Variants in DSCAML1 observed in about 807,000 individuals in gnomAD.
DSCAML1 encodes the protein cell adhesion molecule DSCAML1.
In DSCAML1, 38 loss-of-function variants were observed where a neutral mutation model predicts 200.5. That is an observed-to-expected ratio of 0.19 (90% CI 0.15 to 0.25). The LOEUF (loss-of-function observed/expected upper bound fraction) is 0.25. DSCAML1 is among the 10% of genes least tolerant of loss of function. The probability of loss-of-function intolerance (pLI) is 1.00; values close to 1 mark genes in which losing one functional copy is unlikely to be tolerated. For missense variants in DSCAML1, 2,223 were observed against 2,858.8 expected (o/e 0.78, Z 5.07); for synonymous variants, 1,215 against 1,165.0 (o/e 1.04, Z -0.87).
At chr11:117,495,382 C>G (rs939212203) in intron 11 of DSCAML1, among the ~76,000 whole-genome samples, 4 of 152,148 alleles carry the variant, frequency 2.6e-5, no homozygotes, top group Non-Finnish European at 5.9e-5. Flanking sequence ...AGAAGATGCT[C>G]TTTAGAACTG....
intron 3 of DSCAML1, among the ~76,000 whole-genome samples, chr11:117,620,269 T>A (rs2051901055): frequency 6.6e-6 from 1 of 152,182 alleles, no homozygotes; most frequent in South Asian, 2.1e-4. Flanking sequence ...GAGAACCAGG[T>A]CTGAATTTCA....
At position 117,681,159 on chromosome 11, in the gene DSCAML1, A is replaced by G. The variant is rs2053304867; in HGVS notation, c.511+95632T>C. Among the ~76,000 whole-genome samples the G allele has an allele frequency of 2.0e-5, 3 of 152,146 alleles. 1 individual carries two copies. The South Asian group carries it at 6.2e-4, about 32-fold the overall frequency. On this transcript the variant is annotated intron_variant, in intron 3 of 32. Transcript: ENST00000651296. The stretch of plus-strand genomic sequence containing the variant: ...CTTCTCTCTCCCACCCACGCCCTCC[A>G]AGCTCTGTTGACTCCCAGCAAACCC...
intron 3 of DSCAML1, among the ~76,000 whole-genome samples, chr11:117,545,102 C>T (rs1007852101): frequency 9.9e-5 from 15 of 151,882 alleles, no homozygotes; most frequent in African/African-American, 2.2e-4. Context: ...TGGTGGCGGG[C>T]GCCTGTAATC....
At chr11:117,477,083 A>T (rs2048808205) in intron 14 of DSCAML1, among the ~76,000 whole-genome samples, 1 of 152,044 alleles carries the variant, frequency 6.6e-6, no homozygotes, top group African/African-American at 2.4e-5. Flanking sequence ...GAGATGCCCA[A>T]AGATGTTAAG....
intron 3 of DSCAML1, among the ~76,000 whole-genome samples, chr11:117,587,260 C>CCA (rs1555187516): frequency 6.6e-6 from 1 of 150,616 alleles, no homozygotes; most frequent in East Asian, 2.0e-4. Flanking sequence ...CCAACCCCCC[C>CCA]CCACGATTTA....
rs2052435128 is a variant in DSCAML1, at chr11:117,642,612, T to G, written c.512-110090A>C. Among the ~76,000 whole-genome samples the G allele has an allele frequency of 6.6e-6, 1 of 152,214 alleles. No homozygotes were observed. Among genetic ancestry groups the G allele is most frequent in the South Asian group, 2.1e-4 (1 of 4,830 alleles). The stretch of plus-strand genomic sequence containing the variant: ...CTGTATCCCTGTGGATGGACAGCAG[T>G]GCCTGAGGGAGCCCTTCCATCCCTG... On this transcript the variant is annotated intron_variant, in intron 3 of 32. Coordinates refer to ENST00000651296, the MANE Select transcript of DSCAML1 (RefSeq NM_020693.4). This position sits in a 1 kb window ranked among gnomAD's most constrained non-coding sequence, Gnocchi z 4.1.
chr11:117,450,424 T>A, intron 20 of DSCAML1, 125 bp downstream of exon 20: 1 of 1,363,016 alleles, frequency 7.3e-7, no homozygotes. Context: ...CCCATTCTTA[T>A]CTATGAATCC....
chr11:117,435,612 C>A (rs950260577), intron 27 of DSCAML1, 32 bp downstream of exon 27: 10 of 1,564,580 alleles, frequency 6.4e-6, no homozygotes, highest in Middle Eastern at 3.4e-4. Context: ...GCCAACACCC[C>A]CTCCTGGAAG....
chr11:117,609,002 G>GCAAA (rs71037489), intron 3 of DSCAML1, among the ~76,000 whole-genome samples: 6,587 of 146,750 alleles, frequency 0.045, 178 homozygotes, highest in Non-Finnish European at 0.048. Flanking sequence ...CCCCATTTCT[G>GCAAA]CAAACAAACA....
At chr11:117,529,579 C>A (rs894745108) in intron 4 of DSCAML1, among the ~76,000 whole-genome samples, 47 of 152,160 alleles carry the variant, frequency 3.1e-4, no homozygotes, top group African/African-American at 1.1e-3. Flanking sequence ...CGTTATCTCT[C>A]CCCACCCCCA....
intron 1 of DSCAML1, among the ~76,000 whole-genome samples, chr11:117,792,640 C>T (rs1403139743): frequency 1.3e-5 from 2 of 152,126 alleles, no homozygotes; most frequent in African/African-American, 4.8e-5. Context: ...TCACTTCACA[C>T]CCCCATGCCA....
intron 3 of DSCAML1, among the ~76,000 whole-genome samples, chr11:117,692,773 A>G (rs542968113): frequency 6.6e-5 from 10 of 152,242 alleles, no homozygotes; most frequent in African/African-American, 2.4e-4. Flanking sequence ...GCACGGAGGT[A>G]TTTATTGCTG....
chr11:117,627,140 A>T (rs2052063726), intron 3 of DSCAML1, among the ~76,000 whole-genome samples: 1 of 152,212 alleles, frequency 6.6e-6, no homozygotes. Context: ...ACATATTACA[A>T]GAGAAATATA....
intron 3 of DSCAML1, among the ~76,000 whole-genome samples, chr11:117,708,062 A>C (rs964730838): frequency 1.3e-5 from 2 of 152,158 alleles, no homozygotes; most frequent in Admixed American, 1.3e-4. Context: ...GCTCAGGACA[A>C]CACCATGTCT....
chr11:117,666,341 T>C (rs1400834241), intron 3 of DSCAML1, among the ~76,000 whole-genome samples: 2 of 152,186 alleles, frequency 1.3e-5, no homozygotes, highest in African/African-American at 4.8e-5. Flanking sequence ...GCATTTTCCA[T>C]AGTGGATTTT....
chr11:117,712,132 C>A (rs377672325), intron 3 of DSCAML1, among the ~76,000 whole-genome samples: 2 of 151,798 alleles, frequency 1.3e-5, no homozygotes, highest in African/African-American at 4.8e-5. Context: ...TTTTTAAACA[C>A]GTTGCACTGA....
intron 4 of DSCAML1, among the ~76,000 whole-genome samples, chr11:117,530,443 T>A (rs949804522): frequency 2.6e-5 from 4 of 152,186 alleles, no homozygotes; most frequent in African/African-American, 9.7e-5. Flanking sequence ...AGGCGAGCCC[T>A]TTGGAAATTG....
At chr11:117,614,190 G>A (rs746776413) in intron 3 of DSCAML1, among the ~76,000 whole-genome samples, 5 of 152,020 alleles carry the variant, frequency 3.3e-5, no homozygotes, top group Non-Finnish European at 7.4e-5. Flanking sequence ...CTGCACTCAC[G>A]CCTGTCTTCC....
intron 1 of DSCAML1, among the ~76,000 whole-genome samples, chr11:117,793,111 C>T (rs973161626): frequency 6.6e-6 from 1 of 152,214 alleles, no homozygotes; most frequent in Non-Finnish European, 1.5e-5. Flanking sequence ...TCACAGAGGG[C>T]ACAGCTTTTG....
Sources: gnomAD v4.1 joint callset for allele counts (sites outside exome capture counted in the v4.1 genomes callset) on GRCh38, gnomAD v4.1.1 for gene constraint, Gnocchi (gnomAD v3.1) non-coding constraint, MANE v1.5 for transcripts, NCBI Gene and HGNC (gene_info 2026-07-23, HGNC 2026-07-21) for gene names.